Variants in HELB observed in about 807,000 individuals in gnomAD.
HELB encodes the protein DNA helicase B, also known as DNA 5'-3' helicase B.
A neutral mutation model predicts 101.7 loss-of-function variants in HELB; 96 were observed. The ratio of observed to expected loss-of-function variants is 0.94; its 90% confidence interval spans 0.80 to 1.12. The LOEUF (loss-of-function observed/expected upper bound fraction) is 1.12. Among genes scored for constraint, HELB ranks in the 50% most tolerant of loss-of-function variants. The pLI, the probability that HELB is intolerant of heterozygous loss-of-function variation, is 0.00. For missense variants in HELB, 1,210 were observed against 1,291.9 expected (o/e 0.94, Z 0.97); for synonymous variants, 437 against 459.7 (o/e 0.95, Z 0.63).
chr12:66,319,369 G>C (rs1172965576), intron 7 of HELB, among the ~76,000 whole-genome samples: 1 of 152,088 alleles, frequency 6.6e-6, no homozygotes, highest in Non-Finnish European at 1.5e-5. Flanking sequence ...TTATGTATAT[G>C]ACCTGTGTCA....
At position 66,338,067 on chromosome 12, in the gene HELB, C is replaced by A; in HGVS notation, c.3229C>A (p.Gln1077Lys). Residue 1077 changes from glutamine (Q) to lysine (K), a missense_variant, in exon 13 of 13, where the codon CAA becomes AAA. By Grantham distance (53) the Gln-to-Lys change is moderately conservative (BLOSUM62 1). This residue lies in a region of HELB where 740 missense variants were observed against 728.8 expected (regional missense o/e 1.02). Coordinates refer to ENST00000247815, the MANE Select transcript of HELB (RefSeq NM_001370285.1). ...GAGACTGAATAATTTAATTCCCAGG[C>A]AACTTTTCAAGCCCACCGATAATCA... ...NLRLNNLIPR[Q>K]LFKPTDNQET 1 of 1,602,270 alleles carries A rather than the reference C, an allele frequency of 6.2e-7. No individual in the cohort carries two copies. Among genetic ancestry groups the A allele is most frequent in the Non-Finnish European group, 8.6e-7 (1 of 1,169,584 alleles).
chr12:66,314,273 C>T, intron 5 of HELB, 110 bp downstream of exon 5: 3 of 930,960 alleles, frequency 3.2e-6, no homozygotes, highest in Non-Finnish European at 5.0e-6. Context: ...ACCAAAGCTA[C>T]ACGAAGATAC....
chr12:66,302,820 G>T lies in HELB; in HGVS notation c.187+30G>T, dbSNP rs765018241. 1.7e-5 allele frequency: 26 copies of T among 1,568,348 alleles called. No individual in the cohort carries two copies. The African/African-American group carries it at 3.5e-4, about 21-fold the overall frequency. On this transcript the variant is annotated intron_variant, in intron 1 of 12. Coordinates refer to ENST00000247815, the MANE Select transcript of HELB (RefSeq NM_001370285.1). ...GGAAGGCGTCTGCCCGGGGGATGGG[G>T]TTGGAGGGTCCAAAGTAGCGCTTCC...
chr12:66,332,683 T>C (rs142160322), intron 12 of HELB, among the ~76,000 whole-genome samples: 2 of 152,358 alleles, frequency 1.3e-5, no homozygotes, highest in East Asian at 3.9e-4. Flanking sequence ...TATTTATACA[T>C]TAACCTTTTT....
Position 66,322,856 on chromosome 12 carries a change from A to G in HELB, c.2297+73A>G. ...TTTGCTGGTTTTTTTTTTTGCTTTG[A>G]TGTTTGTCACCTATTTACATATATT... On this transcript the variant is annotated intron_variant, in intron 9 of 12. Coordinates refer to ENST00000247815, the MANE Select transcript of HELB (RefSeq NM_001370285.1). The G allele has an allele frequency of 3.1e-6, 3 of 972,652 alleles. No individual in the cohort carries two copies. The South Asian group carries it at 4.5e-5, about 14-fold the overall frequency. 60.3% of individuals were successfully genotyped at this position (972,652 alleles called of 1,614,324 possible).
At chr12:66,323,671 T>C (rs1044342547) in intron 9 of HELB, among the ~76,000 whole-genome samples, 3 of 152,030 alleles carry the variant, frequency 2.0e-5, no homozygotes, top group Non-Finnish European at 2.9e-5. Context: ...AGGAAAAAAA[T>C]CAAAATTTGT....
intron 3 of HELB, among the ~76,000 whole-genome samples, chr12:66,307,480 A>G (rs2053490768): frequency 6.6e-6 from 1 of 152,202 alleles, no homozygotes. Context: ...CATTTCAAGA[A>G]TAAATTATAT....
At position 66,322,716 on chromosome 12, in the gene HELB, T is replaced by A; in HGVS notation, c.2238-8T>A. The A allele has an allele frequency of 6.2e-7, 1 of 1,603,750 alleles. No individual in the cohort carries two copies. On this transcript the variant is annotated splice_polypyrimidine_tract_variant and splice_region_variant and intron_variant, in intron 8 of 12. Coordinates refer to ENST00000247815, the MANE Select transcript of HELB (RefSeq NM_001370285.1). ...TTAAGGTGACCCCTGCATTTTCGTG[T>A]GTTTCAGGCAAGACTGTGATCTAAT...
intron 4 of HELB, among the ~76,000 whole-genome samples, chr12:66,313,372 T>C (rs966866979): frequency 6.6e-6 from 1 of 152,158 alleles, no homozygotes; most frequent in African/African-American, 2.4e-5. Context: ...AACCTATAAA[T>C]GTTCATACTG....
rs1357041693 is a variant in HELB, at chr12:66,331,434, C to T, written c.2951C>T (p.Ser984Phe). 4 of 1,614,088 alleles carry T rather than the reference C, an allele frequency of 2.5e-6. No individual in the cohort carries two copies. The highest frequency in any genetic ancestry group is 1.3e-5 in the African/African-American group (1 of 74,930). ...GGAGGACCCAGCACACCGTCAGCAT[C>T]TCCACTCCCTGTAGTCACAGACCAC... Reference protein sequence around the residue: ...DSGGPSTPSASPLPVVTDHAM... With the variant: ...DSGGPSTPSAFPLPVVTDHAM... Residue 984 changes from serine to phenylalanine, a missense_variant, in exon 12 of 13, where the codon TCT (serine) becomes TTT (phenylalanine). Coordinates refer to ENST00000247815, the MANE Select transcript of HELB (RefSeq NM_001370285.1).
At chr12:66,321,732 G>T in intron 7 of HELB, 1 of 451,780 alleles carries the variant, frequency 2.2e-6, no homozygotes, top group Non-Finnish European at 4.0e-6. Flanking sequence ...CCTCTCTGTT[G>T]AGGGTGGGTT....
At position 66,337,110 on chromosome 12, in the gene HELB, A is replaced by G. The variant is rs1237525046; in HGVS notation, c.3163-891A>G. Among the ~76,000 whole-genome samples, 5 of 152,302 alleles carry G rather than the reference A, an allele frequency of 3.3e-5. No homozygotes were observed. The East Asian group carries it at 9.7e-4, about 29-fold the overall frequency. On this transcript the variant is annotated intron_variant, in intron 12 of 12. Transcript: ENST00000247815. ...GAGGATAACTCCAAGACTTCTGGCT[A>G]AGGCATACAGGTGGATCCAGCACCA...
At chr12:66,309,397 G>A (rs1315887346) in intron 3 of HELB, among the ~76,000 whole-genome samples, 1 of 152,150 alleles carries the variant, frequency 6.6e-6, no homozygotes, top group Admixed American at 6.5e-5. Flanking sequence ...TAACTAAAGT[G>A]TTGGAGATGT....
chr12:66,321,843 T>C (rs771277811), intron 7 of HELB, 105 bp from the exon 8 acceptor site: 2 of 595,628 alleles, frequency 3.4e-6, no homozygotes, highest in African/African-American at 3.7e-5. Flanking sequence ...TTTGGTGAGA[T>C]ATTTTCCCAG....
chr12:66,304,958 G>A lies in HELB; in HGVS notation c.415G>A (p.Asp139Asn), dbSNP rs145082582. 1.9e-6 allele frequency: 3 copies of A among 1,613,816 alleles called. No individual in the cohort carries two copies. The African/African-American group carries it at 4.0e-5, about 22-fold the overall frequency. Residue 139 changes from aspartate (D) to asparagine (N), a missense_variant, in exon 2 of 13, where the codon GAT becomes AAT. Physicochemically the swap from Asp to Asn is conservative, Grantham distance 23. Coordinates refer to ENST00000247815, the MANE Select transcript of HELB (RefSeq NM_001370285.1). ...TCTTAAAGAGTGTGAGGTCTCCAGT[G>A]ATGATGTTAATAAATTTTTAACATG... The part of the protein sequence containing the change: ...LFLKECEVSS[D>N]DVNKFLTWVK...
At chr12:66,322,854 T>G in intron 9 of HELB, 71 bp downstream of exon 9, 2 of 1,036,336 alleles carry the variant, frequency 1.9e-6, no homozygotes, top group Non-Finnish European at 2.9e-6. Flanking sequence ...TTTTTTGCTT[T>G]GATGTTTGTC....
At chr12:66,311,167 A>AC (rs967971017) in intron 4 of HELB, among the ~76,000 whole-genome samples, 1 of 151,730 alleles carries the variant, frequency 6.6e-6, no homozygotes, top group Admixed American at 6.6e-5. Context: ...GAAAAAAAAA[A>AC]AAAACCTATT....
At chr12:66,330,713 T>G (rs2053795752) in intron 11 of HELB, among the ~76,000 whole-genome samples, 1 of 148,540 alleles carries the variant, frequency 6.7e-6, no homozygotes, top group Non-Finnish European at 1.5e-5. Flanking sequence ...TTCTATATTT[T>G]ATCATTACAT....
chr12:66,316,892 G>A (rs11176141), intron 6 of HELB, among the ~76,000 whole-genome samples: 13,519 of 151,786 alleles, frequency 0.089, 1,554 homozygotes, highest in African/African-American at 0.26. Context: ...GGTGGCGGGC[G>A]CCTGTAGTCC....
Sources: gnomAD v4.1 joint callset for allele counts (sites outside exome capture counted in the v4.1 genomes callset) on GRCh38, gnomAD v4.1.1 for gene constraint, gnomAD v4.1.1 regional missense constraint, MANE v1.5 for transcripts, NCBI Gene and HGNC (gene_info 2026-07-23, HGNC 2026-07-21) for gene names.